Variants in ZNF385D observed in about 807,000 individuals in gnomAD.
ZNF385D encodes zinc finger protein 659.
A neutral mutation model predicts 35.8 loss-of-function variants in ZNF385D; 15 were observed. The ratio of observed to expected loss-of-function variants is 0.42; its 90% confidence interval spans 0.28 to 0.64. The LOEUF is 0.64. Among genes scored for constraint, ZNF385D ranks in the 30% least tolerant of loss-of-function variants. The pLI, the probability that ZNF385D is intolerant of heterozygous loss-of-function variation, is 0.23. For synonymous variants in ZNF385D, 212 were observed against 186.8 expected, an observed-to-expected ratio of 1.13 and a Z score of -1.10; for missense variants, 474 against 494.6, an observed-to-expected ratio of 0.96 and a Z score of 0.39.
intron 3 of ZNF385D, among the ~76,000 whole-genome samples, chr3:21,824,207 A>G (rs1431708388): frequency 6.6e-6 from 1 of 152,204 alleles, no homozygotes; most frequent in Non-Finnish European, 1.5e-5. Flanking sequence ...CTTCTGAGCA[A>G]AACAGTGAAG....
intron 2 of ZNF385D, among the ~76,000 whole-genome samples, chr3:22,265,423 C>T (rs1200424315): frequency 1.3e-5 from 2 of 151,908 alleles, no homozygotes; most frequent in South Asian, 2.1e-4. Flanking sequence ...TAAATGAACT[C>T]TTTGTATCTA....
At chr3:21,765,174 G>C (rs9834161) in intron 3 of ZNF385D, among the ~76,000 whole-genome samples, 1 of 151,886 alleles carries the variant, frequency 6.6e-6, no homozygotes, top group East Asian at 1.9e-4. Context: ...AAAAGGATAC[G>C]CATGTATAAT....
At position 21,951,207 on chromosome 3, in the gene ZNF385D, CCT is replaced by C. The variant is rs1426612978; in HGVS notation, c.325+217608_325+217609del. Reference sequence around the variant, plus strand: ...GGAATGTTTTTCCAATTGTTTCTGTCCTCTCTTACTTCCTTGAGCAGTGGTTT... The same window carrying C: ...GGAATGTTTTTCCAATTGTTTCTGTCCTCTTACTTCCTTGAGCAGTGGTTT... On this transcript the variant is annotated intron_variant, in intron 3 of 5. Transcript: ENST00000494108. 2.0e-5 allele frequency among the ~76,000 whole-genome samples: 3 copies of C among 151,660 alleles called. No individual in the cohort carries two copies. In the East Asian group the frequency reaches 5.8e-4, roughly 29 times the overall value.
intron 3 of ZNF385D, among the ~76,000 whole-genome samples, chr3:21,888,703 A>C (rs1003365539): frequency 1.3e-5 from 2 of 152,232 alleles, no homozygotes. Flanking sequence ...GGAGGAATAT[A>C]AATGAGTAAC....
At chr3:21,612,389 C>T (rs775797829) in intron 2 of ZNF385D, among the ~76,000 whole-genome samples, 15 of 152,070 alleles carry the variant, frequency 9.9e-5, no homozygotes, top group Admixed American at 3.3e-4. Flanking sequence ...TGAGCCACCA[C>T]GCCTGGCTGG....
chr3:21,683,013 G>A lies in ZNF385D; in HGVS notation c.23-17985C>T, dbSNP rs568018879. On this transcript the variant is annotated intron_variant, in intron 1 of 7. Coordinates refer to ENST00000281523, the MANE Select transcript of ZNF385D (RefSeq NM_024697.3). ...CAGAAATGCCTAGAGGGCTTATTAAGACACAGACTTCTGATGTCTTCCTAC... is the reference window on the plus strand; with the variant it reads ...CAGAAATGCCTAGAGGGCTTATTAAAACACAGACTTCTGATGTCTTCCTAC... 1.0e-4 allele frequency among the ~76,000 whole-genome samples: 15 copies of A among 149,976 alleles called. 2 individuals are homozygous for A. The highest frequency in any genetic ancestry group is 3.4e-4 in the African/African-American group (14 of 40,802).
At chr3:22,319,250 G>A (rs1307566839) in intron 2 of ZNF385D, among the ~76,000 whole-genome samples, 1 of 151,950 alleles carries the variant, frequency 6.6e-6, no homozygotes, top group African/African-American at 2.4e-5. Flanking sequence ...ACATTAACTG[G>A]AACATTTGAA....
intron 2 of ZNF385D, among the ~76,000 whole-genome samples, chr3:21,614,436 A>T (rs941664837): frequency 6.6e-6 from 1 of 152,202 alleles, no homozygotes; most frequent in Non-Finnish European, 1.5e-5. Flanking sequence ...CACATTCAAC[A>T]TAGAGATTTT....
intron 3 of ZNF385D, among the ~76,000 whole-genome samples, chr3:21,822,198 A>G (rs1289398373): frequency 1.3e-5 from 2 of 151,822 alleles, no homozygotes. Flanking sequence ...CAGCCTCCCT[A>G]GTAGCTGGGA....
intron 3 of ZNF385D, among the ~76,000 whole-genome samples, chr3:21,989,136 T>C (rs954875741): frequency 1.8e-4 from 27 of 152,160 alleles, no homozygotes; most frequent in African/African-American, 6.0e-4. Context: ...CGCTGGGAGC[T>C]GTAGACCGGA....
intron 3 of ZNF385D, among the ~76,000 whole-genome samples, chr3:21,934,504 G>T (rs2125255811): frequency 6.6e-6 from 1 of 152,268 alleles, no homozygotes; most frequent in South Asian, 2.1e-4. Context: ...TATTCACTGT[G>T]TAAAGATCTT....
chr3:21,940,256 A>T (rs1473032791), intron 3 of ZNF385D, among the ~76,000 whole-genome samples: 1 of 152,132 alleles, frequency 6.6e-6, no homozygotes, highest in Non-Finnish European at 1.5e-5. Flanking sequence ...GATGTAGCAA[A>T]AAAAGTGTTT....
intron 3 of ZNF385D, among the ~76,000 whole-genome samples, chr3:21,994,971 A>C (rs1228420160): frequency 6.6e-6 from 1 of 152,244 alleles, no homozygotes; most frequent in Admixed American, 6.5e-5. Context: ...CTCAGATGGC[A>C]TACATGTGCA....
intron 3 of ZNF385D, among the ~76,000 whole-genome samples, chr3:22,116,540 T>C (rs899935710): frequency 3.3e-5 from 5 of 151,808 alleles, no homozygotes; most frequent in Admixed American, 2.6e-4. Context: ...AAAGAGAAAA[T>C]GTATAGAAAG....
chr3:22,130,324 C>A (rs1024063749), intron 3 of ZNF385D, among the ~76,000 whole-genome samples: 14 of 152,196 alleles, frequency 9.2e-5, no homozygotes, highest in South Asian at 4.2e-4. Flanking sequence ...TCATATGTAC[C>A]CAACGTCCAA....
chr3:22,355,672 A>G lies in ZNF385D; in HGVS notation c.106+16778T>C, dbSNP rs143656540. On this transcript the variant is annotated intron_variant, in intron 2 of 5. Coordinates refer to the ZNF385D transcript ENST00000494108. Reference sequence around the variant, plus strand: ...AAGATCCTCTGTTAAAAAAAATTCCAGGAAAACTTCTAAAAATCAACGTAT... The same window carrying G: ...AAGATCCTCTGTTAAAAAAAATTCCGGGAAAACTTCTAAAAATCAACGTAT... Among the ~76,000 whole-genome samples the G allele has an allele frequency of 8.5e-3, 1,290 of 152,120 alleles. 18 individuals carry two copies. The highest frequency in any genetic ancestry group is 0.03 in the African/African-American group (1,241 of 41,538).
chr3:22,016,053 G>T (rs1696866447), intron 3 of ZNF385D, among the ~76,000 whole-genome samples: 2 of 152,140 alleles, frequency 1.3e-5, no homozygotes, highest in African/African-American at 4.8e-5. Context: ...ACATAAATTT[G>T]AGAGTTTACT....
chr3:22,210,383 T>C (rs920920596), intron 2 of ZNF385D, among the ~76,000 whole-genome samples: 1 of 151,732 alleles, frequency 6.6e-6, no homozygotes, highest in South Asian at 2.1e-4. Context: ...CAACCACAGG[T>C]GAGTTGAGAA....
chr3:22,168,439 C>T (rs1252541627), intron 3 of ZNF385D: 1 of 152,034 alleles, frequency 6.6e-6, no homozygotes, highest in Non-Finnish European at 1.5e-5. Context: ...TGCAGTGTTA[C>T]CAACCAATTG....
Sources: allele counts gnomAD v4.1 joint callset (sites outside exome capture counted in the v4.1 genomes callset), GRCh38; gene constraint gnomAD v4.1.1; transcripts MANE v1.5; gene names NCBI Gene and HGNC (gene_info 2026-07-23, HGNC 2026-07-21).